The following RYR2 variants were observed in gnomAD, a reference collection of about 807,000 sequenced individuals.
RYR2 encodes the protein cardiac muscle ryanodine receptor-calcium release channel.
A neutral mutation model predicts 601.1 loss-of-function variants in RYR2; 227 were observed. The ratio of observed to expected loss-of-function variants is 0.38; its 90% CI spans 0.34 to 0.42. The LOEUF (loss-of-function observed/expected upper bound fraction) is 0.42, where lower values mean the gene tolerates loss of function less well. Among genes scored for constraint, RYR2 ranks in the 10% least tolerant of loss-of-function variants. The probability of loss-of-function intolerance (pLI) is 1.00; values close to 1 mark genes in which losing one functional copy is unlikely to be tolerated. For missense variants in RYR2, 4,646 were observed against 6,156.5 expected (o/e 0.75, Z 8.21); for synonymous variants, 2,223 against 2,175.1 (o/e 1.02, Z -0.61).
intron 84 of RYR2, among the ~76,000 whole-genome samples, chr1:237,769,845 A>C (rs1694135670): frequency 6.6e-6 from 1 of 151,176 alleles, no homozygotes; most frequent in Admixed American, 6.6e-5. Context: ...GTAATGTGGA[A>C]GTGTTTTTTT....
At chr1:237,063,595 CACAT>C (rs200735133) in intron 1 of RYR2, among the ~76,000 whole-genome samples, 2,334 of 151,438 alleles carry the variant, frequency 0.015, 57 homozygotes, top group African/African-American at 0.054. Flanking sequence ...CACACACACA[CACAT>C]ACACACTCTC....
At position 237,270,274 on chromosome 1, in the gene RYR2, G is replaced by A. The variant is rs538410202; in HGVS notation, c.49-223G>A. 1,170 of 666,946 alleles carry A rather than the reference G, an allele frequency of 1.8e-3. 3 individuals carry two copies. Among genetic ancestry groups the A allele is most frequent in the Non-Finnish European group, 2.2e-3 (806 of 368,126 alleles). The allele number at this position is 666,946 out of a possible 1,614,324, so 41.3% of individuals were successfully genotyped here. A position where few individuals can be genotyped will look rare whatever the true frequency, so the allele number is the denominator to read the frequency against. On this transcript the variant is annotated intron_variant, in intron 1 of 104. Coordinates refer to ENST00000366574, the MANE Select transcript of RYR2 (RefSeq NM_001035.3). ...AAACTACTGATTGCCTTGAATGGCCGTAGCTCCCCTCTTTTCCCCTACTCA... is the reference window on the plus strand; with the variant it reads ...AAACTACTGATTGCCTTGAATGGCCATAGCTCCCCTCTTTTCCCCTACTCA...
At chr1:237,641,463 GTCTGTCTGTCTTTCTTTCTTTCTT>G (rs1449433204) in intron 47 of RYR2, among the ~76,000 whole-genome samples, 51 of 55,264 alleles carry the variant, frequency 9.2e-4, no homozygotes, top group Middle Eastern at 8.3e-3. Flanking sequence ...ATAAATTAGT[GTCTGTCTGTCTTTCTTTCTTTCTT>G]TCTTTCTTTC....
chr1:237,717,720 T>G (rs1011145215), intron 72 of RYR2, among the ~76,000 whole-genome samples: 12 of 152,292 alleles, frequency 7.9e-5, no homozygotes, highest in African/African-American at 2.9e-4. Context: ...GTTAAAAGCA[T>G]AATATATTGT....
chr1:237,808,886 C>A lies in RYR2; in HGVS notation c.14299-15C>A. The A allele has an allele frequency of 1.2e-6, 2 of 1,612,960 alleles. No homozygotes were observed. The highest frequency in any genetic ancestry group is 2.2e-5 in the South Asian group (2 of 90,998). The stretch of plus-strand genomic sequence containing the variant: ...TACATTTCTAATACCTGGTCCTTGT[C>A]ACATTGTTTTCCAGCTCGTATTAAC... On this transcript the variant is annotated splice_polypyrimidine_tract_variant and intron_variant, in intron 99 of 104. Transcript: ENST00000366574.
At chr1:237,407,606 G>GTTTTTTT (rs1553440218) in intron 10 of RYR2, among the ~76,000 whole-genome samples, 1 of 52,066 alleles carries the variant, frequency 1.9e-5, no homozygotes, top group African/African-American at 8.4e-5. Context: ...TTAAATTGTG[G>GTTTTTTT]TTGTTTTTTT....
chr1:237,641,477 C>CTTTCTTTCTTTCTTTCTTTCTTTCTT lies in RYR2; in HGVS notation c.7221+477_7221+502dup, dbSNP rs1553264956. Among the ~76,000 whole-genome samples the CTTTCTTTCTTTCTTTCTTTCTTTCTT allele has an allele frequency of 2.5e-3, 69 of 27,544 alleles. 1 individual carries two copies. Among genetic ancestry groups the CTTTCTTTCTTTCTTTCTTTCTTTCTT allele is most frequent in the South Asian group, 4.2e-3 (3 of 718 alleles). The allele number at this position is 27,544 out of a possible 152,430, so 18.1% of individuals were successfully genotyped here. On this transcript the variant is annotated intron_variant, in intron 47 of 104. Transcript: ENST00000366574. ...TATAAATTAGTGTCTGTCTGTCTTTCTTTCTTTCTTTCTTTCTTTCTTTCT... is the reference window on the plus strand; with the variant it reads ...TATAAATTAGTGTCTGTCTGTCTTTCTTTCTTTCTTTCTTTCTTTCTTTCTTTTTCTTTCTTTCTTTCTTTCTTTCT...
intron 10 of RYR2, among the ~76,000 whole-genome samples, chr1:237,405,633 G>T (rs1055088614): frequency 5.3e-5 from 8 of 152,064 alleles, no homozygotes; most frequent in African/African-American, 1.9e-4. Context: ...AGTCTACTAT[G>T]CTCAAAACTT....
In RYR2 at chr1:237,798,412, C is replaced by CTATT. The variant is rs10636006; in HGVS notation, c.14090+245_14090+246insTTAT. The stretch of plus-strand genomic sequence containing the variant: ...TAATATTTATAAGAGAACAGAAAGA[C>CTATT]TATGTTTTTTACTTAATTTGCCTTT... On this transcript the variant is annotated intron_variant, in intron 97 of 104. Transcript: ENST00000366574. Among the ~76,000 whole-genome samples the CTATT allele has an allele frequency of 0.68, 102,506 of 151,660 alleles. 35,085 individuals carry two copies. Among genetic ancestry groups the CTATT allele is most frequent in the East Asian group, 0.95 (4,912 of 5,154 alleles).
intron 76 of RYR2, among the ~76,000 whole-genome samples, chr1:237,728,478 G>A (rs1268401531): frequency 6.6e-6 from 1 of 152,080 alleles, no homozygotes; most frequent in Non-Finnish European, 1.5e-5. Flanking sequence ...AAAGACACAT[G>A]CACATGTATG....
intron 56 of RYR2, among the ~76,000 whole-genome samples, chr1:237,662,958 T>C (rs1683943423): frequency 6.6e-6 from 1 of 152,236 alleles, no homozygotes; most frequent in Non-Finnish European, 1.5e-5. Context: ...ATTGTTACTA[T>C]TGTTATGTCA....
At chr1:237,744,529 G>A (rs1489988062) in intron 80 of RYR2, among the ~76,000 whole-genome samples, 7 of 151,834 alleles carry the variant, frequency 4.6e-5, no homozygotes, top group Non-Finnish European at 7.4e-5. Context: ...GGTAGTGCAC[G>A]CCTGTAATCC....
intron 102 of RYR2, chr1:237,830,323 G>A: frequency 2.2e-6 from 1 of 447,664 alleles, no homozygotes; most frequent in South Asian, 2.7e-5. Context: ...ACTTCTTGCT[G>A]CTGGTACCTG....
intron 4 of RYR2, among the ~76,000 whole-genome samples, chr1:237,359,302 TG>T (rs1432009229): frequency 6.6e-6 from 1 of 152,178 alleles, no homozygotes; most frequent in Non-Finnish European, 1.5e-5. Flanking sequence ...AATGATTGTA[TG>T]GGTAATCAAA....
At chr1:237,773,215 TA>T (rs1694407415) in intron 86 of RYR2, among the ~76,000 whole-genome samples, 1 of 152,208 alleles carries the variant, frequency 6.6e-6, no homozygotes, top group South Asian at 2.1e-4. Flanking sequence ...TGCTCATGCA[TA>T]AATATGCTCC....
intron 12 of RYR2, among the ~76,000 whole-genome samples, chr1:237,426,700 A>G (rs2150074637): frequency 1.3e-5 from 2 of 152,262 alleles, no homozygotes; most frequent in Middle Eastern, 6.8e-3. Flanking sequence ...AGAAGTAGAA[A>G]AACATGAACC....
intron 1 of RYR2, among the ~76,000 whole-genome samples, chr1:237,148,616 T>C (rs567318625): frequency 8.9e-4 from 133 of 148,794 alleles, no homozygotes; most frequent in Non-Finnish European, 1.6e-3. Context: ...GGTATGGTTA[T>C]TGTAAACACA....
chr1:237,461,402 T>C (rs1430930847), intron 16 of RYR2, among the ~76,000 whole-genome samples: 1 of 152,164 alleles, frequency 6.6e-6, no homozygotes, highest in East Asian at 1.9e-4. Context: ...TGTGACCTTG[T>C]TTACACCCCT....
chr1:237,129,081 G>A (rs1369997770), intron 1 of RYR2, among the ~76,000 whole-genome samples: 1 of 152,146 alleles, frequency 6.6e-6, no homozygotes, highest in Non-Finnish European at 1.5e-5. Flanking sequence ...TGGAGAACAG[G>A]TAGTTGGACA....
Sources: gnomAD v4.1 joint callset for allele counts (sites outside exome capture counted in the v4.1 genomes callset) on GRCh38, gnomAD v4.1.1 for gene constraint, MANE v1.5 for transcripts, NCBI Gene and HGNC (gene_info 2026-07-23, HGNC 2026-07-21) for gene names.